The following MED31 variants were observed in gnomAD, a reference collection of about 807,000 sequenced individuals.
MED31 encodes the protein mediator of RNA polymerase II transcription subunit 31.
In MED31, 11 loss-of-function variants were observed where a neutral mutation model predicts 22.0. The ratio of observed to expected loss-of-function variants is 0.50; its 90% CI spans 0.31 to 0.83. MED31 has a LOEUF of 0.83. MED31 is among the 40% of genes least tolerant of loss of function. The pLI, the probability that MED31 is intolerant of heterozygous loss-of-function variation, is 0.04. For synonymous variants in MED31, 60 were observed against 55.1 expected (o/e 1.09, Z -0.40); for missense variants, 122 against 155.3 (o/e 0.79, Z 1.14).
Position 6,644,423 on chromosome 17 carries a change from T to TA in MED31, c.*43dup. 2 of 1,506,744 alleles carry TA rather than the reference T, an allele frequency of 1.3e-6. No individual in the cohort carries two copies. Among genetic ancestry groups the TA allele is most frequent in the Non-Finnish European group, 1.8e-6 (2 of 1,130,766 alleles). The allele number at this position is 1,506,744 out of a possible 1,614,324, so 93.3% of individuals were successfully genotyped here. A position where few individuals can be genotyped will look rare whatever the true frequency, so the allele number is the denominator to read the frequency against. On this transcript the variant is annotated 3_prime_UTR_variant, in exon 4 of 4. Transcript: ENST00000225728. ...TTTTGTCTTCACTGTACAAAAGAAA[T>TA]ACATTATATACATGTATTAAGTGCC...
At chr17:6,650,734 A>G (rs1427569718) in intron 1 of MED31, among the ~76,000 whole-genome samples, 1 of 152,234 alleles carries the variant, frequency 6.6e-6, no homozygotes, top group Non-Finnish European at 1.5e-5. Context: ...TCACTAAGGT[A>G]GGCTGTAATA....
rs536075222 is a variant in MED31, at chr17:6,651,585, G to T, written c.-57C>A. The T allele has an allele frequency of 5.5e-5, 88 of 1,610,908 alleles. No individual in the cohort carries two copies. The African/African-American group carries it at 9.9e-4, about 18-fold the overall frequency. On this transcript the variant is annotated 5_prime_UTR_variant, in exon 1 of 4. Coordinates refer to ENST00000225728, the MANE Select transcript of MED31 (RefSeq NM_016060.3). ...TGACAGAGCAAAAGCCCAGAGACGC[G>T]GGCGAAGTTCCGGAAACCACGGCTC...
chr17:6,650,810 C>T (rs73351897), intron 1 of MED31, among the ~76,000 whole-genome samples: 3,551 of 152,052 alleles, frequency 0.023, 154 homozygotes, highest in African/African-American at 0.081. Context: ...GTTTCGCAAA[C>T]GCTAGGGGCT....
chr17:6,645,779 A>G (rs1182680246), intron 3 of MED31, among the ~76,000 whole-genome samples: 1 of 152,220 alleles, frequency 6.6e-6, no homozygotes, highest in Non-Finnish European at 1.5e-5. Flanking sequence ...GCAGAATGAT[A>G]GAATTAGAAA....
intron 3 of MED31, among the ~76,000 whole-genome samples, chr17:6,646,154 A>G (rs1044995183): frequency 2.6e-5 from 4 of 152,230 alleles, no homozygotes; most frequent in African/African-American, 9.6e-5. Flanking sequence ...CACTACATAC[A>G]GCACACCAGC....
Position 6,643,751 on chromosome 17 carries a change from T to C in MED31, c.*716A>G. The C allele has an allele frequency of 5.2e-6, 1 of 193,666 alleles. No individual in the cohort carries two copies. The highest frequency in any genetic ancestry group is 1.2e-4 in the East Asian group (1 of 8,624). 12.0% of individuals were successfully genotyped at this position (193,666 alleles called of 1,614,324 possible). A position where few individuals can be genotyped will look rare whatever the true frequency, so the allele number is the denominator to read the frequency against. On this transcript the variant is annotated 3_prime_UTR_variant, in exon 4 of 4. Transcript: ENST00000225728. ...ATAAAATGAGAATTCAAGGAAGCACTTAACATAGCACCTGGTTTGTGGTAC... is the reference window on the plus strand; with the variant it reads ...ATAAAATGAGAATTCAAGGAAGCACCTAACATAGCACCTGGTTTGTGGTAC...
chr17:6,649,048 C>T lies in MED31; in HGVS notation c.203+934G>A, dbSNP rs531877622. ...AAACGGTCCTGCAGGCAACATAAGA[C>T]GTATGTGCTTCGTGAGTCAATTGTT... On this transcript the variant is annotated intron_variant, in intron 3 of 3. Coordinates refer to ENST00000225728, the MANE Select transcript of MED31 (RefSeq NM_016060.3). Among the ~76,000 whole-genome samples, 12 of 151,782 alleles carry T rather than the reference C, an allele frequency of 7.9e-5. No individual in the cohort carries two copies. The East Asian group carries it at 1.7e-3, about 22-fold the overall frequency.
In MED31 at chr17:6,647,899, G is replaced by C. The variant is rs1204882375; in HGVS notation, c.203+2083C>G. On this transcript the variant is annotated intron_variant, in intron 3 of 3. Transcript: ENST00000225728. ...AATAACTAGAATTTAGACATGCAGT[G>C]ATTATATCAGAATACCTTAGATGAC... Among the ~76,000 whole-genome samples the C allele has an allele frequency of 2.0e-5, 3 of 152,198 alleles. No individual in the cohort carries two copies. In the East Asian group the frequency reaches 5.8e-4, roughly 29 times the overall value.
Position 6,643,856 on chromosome 17 carries a change from G to A in MED31, c.*611C>T, listed in dbSNP as rs1972728456. ...TGTTTGTTCTAAAGTCAAGAGTCCA[G>A]TTAGTAACTAACCACTAGTTGTCCT... is the stretch of plus-strand genomic sequence containing the variant. On this transcript the variant is annotated 3_prime_UTR_variant, in exon 4 of 4. Transcript: ENST00000225728. 2.8e-6 allele frequency: 1 copy of A among 362,248 alleles called. No homozygotes were observed. Among genetic ancestry groups the A allele is most frequent in the South Asian group, 1.5e-4 (1 of 6,734 alleles). 22.4% of individuals were successfully genotyped at this position (362,248 alleles called of 1,614,324 possible).
intron 3 of MED31, among the ~76,000 whole-genome samples, chr17:6,646,223 G>T (rs754262447): frequency 6.6e-6 from 1 of 152,216 alleles, no homozygotes; most frequent in Non-Finnish European, 1.5e-5. Flanking sequence ...TTAATGTGCT[G>T]ATTTTTGCTG....
intron 3 of MED31, among the ~76,000 whole-genome samples, chr17:6,645,640 A>G (rs1972757285): frequency 6.6e-6 from 1 of 152,202 alleles, no homozygotes; most frequent in Admixed American, 6.5e-5. Flanking sequence ...AAAATACATA[A>G]TTCTAATTCA....
intron 3 of MED31, among the ~76,000 whole-genome samples, chr17:6,646,780 C>T (rs889996158): frequency 6.6e-6 from 1 of 152,198 alleles, no homozygotes; most frequent in Non-Finnish European, 1.5e-5. Context: ...CTTACATCCC[C>T]CAGCCCGACA....
Position 6,648,980 on chromosome 17 carries a change from T to C in MED31, c.203+1002A>G, listed in dbSNP as rs573437791. Among the ~76,000 whole-genome samples the C allele has an allele frequency of 1.6e-4, 24 of 152,346 alleles. No homozygotes were observed. The South Asian group carries it at 5.0e-3, about 32-fold the overall frequency. On this transcript the variant is annotated intron_variant, in intron 3 of 3. Coordinates refer to ENST00000225728, the MANE Select transcript of MED31 (RefSeq NM_016060.3). Reference sequence around the variant, plus strand: ...TTGAAGTCTACTTTTCTTAAAAGTCTGTTCTTTGGATTATTAAATGGATAA... The same window carrying C: ...TTGAAGTCTACTTTTCTTAAAAGTCCGTTCTTTGGATTATTAAATGGATAA...
rs1032568202 is a variant in MED31 at position 6,644,380 on chromosome 17, A to G, written c.*87T>C. 5 of 1,430,958 alleles carry G rather than the reference A, an allele frequency of 3.5e-6. No homozygotes were observed. Among genetic ancestry groups the G allele is most frequent in the Non-Finnish European group, 4.6e-6 (5 of 1,080,210 alleles). The allele number at this position is 1,430,958 out of a possible 1,614,324, so 88.6% of individuals were successfully genotyped here. On this transcript the variant is annotated 3_prime_UTR_variant, in exon 4 of 4. Coordinates refer to ENST00000225728, the MANE Select transcript of MED31 (RefSeq NM_016060.3). Reference sequence around the variant, plus strand: ...AGGGGCTACCATAATAAAGGTAGATAGGAAGAGTTTTCATTTTTTTTGTCT... The same window carrying G: ...AGGGGCTACCATAATAAAGGTAGATGGGAAGAGTTTTCATTTTTTTTGTCT...
intron 3 of MED31, among the ~76,000 whole-genome samples, chr17:6,645,771 A>C (rs1373845588): frequency 1.3e-5 from 2 of 152,266 alleles, no homozygotes; most frequent in African/African-American, 4.8e-5. Context: ...TAATAAATGC[A>C]GAATGATAGA....
At chr17:6,649,925 G>T in intron 3 of MED31, 57 bp downstream of exon 3, 4 of 1,428,412 alleles carry the variant, frequency 2.8e-6, no homozygotes, top group Non-Finnish European at 3.7e-6. Flanking sequence ...GTGAAACTAA[G>T]AAATCTATTA....
intron 3 of MED31, 29 bp downstream of exon 3, chr17:6,649,953 A>G: frequency 6.4e-7 from 1 of 1,552,952 alleles, no homozygotes; most frequent in Non-Finnish European, 8.6e-7. Context: ...AAGTATACAC[A>G]TGCTTAGGAT....
Position 6,651,553 on chromosome 17 carries a change from A to C in MED31, c.-25T>G. On this transcript the variant is annotated 5_prime_UTR_variant, in exon 1 of 4. Transcript: ENST00000225728. ...TAACAAACGAAGACACCAAAACGCC[A>C]CCAGCCTGACAGAGCAAAAGCCCAG... 1.9e-6 allele frequency: 3 copies of C among 1,614,000 alleles called. No homozygotes were observed. The highest frequency in any genetic ancestry group is 2.5e-6 in the Non-Finnish European group (3 of 1,179,942).
At chr17:6,645,316 CAT>C (rs1382133660) in intron 3 of MED31, among the ~76,000 whole-genome samples, 2 of 152,080 alleles carry the variant, frequency 1.3e-5, no homozygotes, top group Admixed American at 6.5e-5. Context: ...ATAGAATAAA[CAT>C]GTATATGTGT....
Sources: allele counts gnomAD v4.1 joint callset (sites outside exome capture counted in the v4.1 genomes callset), GRCh38; gene constraint gnomAD v4.1.1; transcripts MANE v1.5; gene names NCBI Gene and HGNC (gene_info 2026-07-23, HGNC 2026-07-21).